The following CEP85 variants were observed in gnomAD, a reference collection of about 807,000 sequenced individuals.
CEP85 encodes the protein centrosomal protein 85, also known as centrosomal protein of 85 kDa.
Under a neutral mutation model 93.7 loss-of-function variants are expected in CEP85, and 58 were observed. The ratio of observed to expected loss-of-function variants is 0.62; its 90% CI spans 0.50 to 0.77. CEP85 has a LOEUF of 0.77. Ranked by LOEUF, CEP85 falls within the 30% of genes least tolerant of loss-of-function variation. The pLI is 0.00. For synonymous variants in CEP85, 314 were observed against 338.6 expected, an observed-to-expected ratio of 0.93 and a Z score of 0.80; for missense variants, 868 against 922.0, an observed-to-expected ratio of 0.94 and a Z score of 0.76.
chr1:26,274,868 G>GAGTCGTCACTATAT lies in CEP85; in HGVS notation c.1795-91_1795-78dup. The GAGTCGTCACTATAT allele has an allele frequency of 4.6e-6, 4 of 873,134 alleles. No homozygotes were observed. The South Asian group carries it at 4.9e-5, about 11-fold the overall frequency. The allele number at this position is 873,134 out of a possible 1,614,324, so 54.1% of individuals were successfully genotyped here. On this transcript the variant is annotated intron_variant, in intron 11 of 13. Transcript: ENST00000451429. ...TTTCTTATGAGGGTGTAGGTAGGGTGAGTCGTCACTATATAGTCCAAGCCA... is the reference window on the plus strand; with the variant it reads ...TTTCTTATGAGGGTGTAGGTAGGGTGAGTCGTCACTATATAGTCGTCACTATATAGTCCAAGCCA...
Position 26,257,619 on chromosome 1 carries a change from A to G in CEP85, c.926A>G (p.His309Arg), listed in dbSNP as rs1329341694. ...QMQLQNGAIC[H>R]HPAAFGPSLP... ...CAGCTTCAGAATGGAGCCATCTGCC[A>G]CCATCCTGCTGCTTTTGGTCCTTCA... The change falls in exon 5 of 14, where the codon CAC becomes CGC. Residue 309 changes from histidine to arginine, a missense_variant. Coordinates refer to ENST00000451429, the MANE Select transcript of CEP85 (RefSeq NM_001319944.2). 1.2e-6 allele frequency: 2 copies of G among 1,614,182 alleles called. No homozygotes were observed. The highest frequency in any genetic ancestry group is 3.3e-5 in the Admixed American group (2 of 60,016).
chr1:26,253,590 C>T (rs569492948), intron 3 of CEP85, among the ~76,000 whole-genome samples: 56 of 151,740 alleles, frequency 3.7e-4, no homozygotes, highest in African/African-American at 1.2e-3. Flanking sequence ...AGGGTTTCAC[C>T]GTGTTAGCCA....
intron 4 of CEP85, among the ~76,000 whole-genome samples, chr1:26,256,389 G>C (rs548382805): frequency 3.3e-5 from 5 of 152,038 alleles, no homozygotes; most frequent in African/African-American, 1.2e-4. Context: ...AAATTAGCCA[G>C]GTGTGGTGGC....
At chr1:26,250,135 T>C (rs2089582664) in intron 3 of CEP85, among the ~76,000 whole-genome samples, 1 of 151,474 alleles carries the variant, frequency 6.6e-6, no homozygotes, top group Non-Finnish European at 1.5e-5. Context: ...CAAAATATTC[T>C]AAACCACAGA....
At chr1:26,270,691 C>A (rs1368681688) in intron 9 of CEP85, among the ~76,000 whole-genome samples, 10 of 152,288 alleles carry the variant, frequency 6.6e-5, no homozygotes, top group Admixed American at 5.9e-4. Context: ...TCCAAACTTT[C>A]TACAATGTAC....
intron 1 of CEP85, among the ~76,000 whole-genome samples, chr1:26,235,273 A>G (rs1217618356): frequency 2.6e-5 from 4 of 152,202 alleles, no homozygotes; most frequent in African/African-American, 9.7e-5. Context: ...TGATACAAGG[A>G]CGATGAAGCT....
At chr1:26,241,437 G>T (rs2089424126) in intron 2 of CEP85, among the ~76,000 whole-genome samples, 1 of 151,710 alleles carries the variant, frequency 6.6e-6, no homozygotes, top group Admixed American at 6.6e-5. Flanking sequence ...ATAGAGACGG[G>T]GTTTCACCAT....
At chr1:26,253,492 C>T (rs1237672695) in intron 3 of CEP85, among the ~76,000 whole-genome samples, 4 of 150,750 alleles carry the variant, frequency 2.7e-5, no homozygotes, top group Admixed American at 2.0e-4. Context: ...TGGGTTCAAG[C>T]GATCCTCCTG....
intron 9 of CEP85, among the ~76,000 whole-genome samples, chr1:26,270,119 G>C (rs796702922): frequency 2.0e-5 from 3 of 152,258 alleles, no homozygotes; most frequent in African/African-American, 7.2e-5. Flanking sequence ...TGGATGCAGT[G>C]GGGGCTTATC....
chr1:26,264,685 C>A lies in CEP85; in HGVS notation c.1342-3798C>A, dbSNP rs114714727. Among the ~76,000 whole-genome samples the A allele has an allele frequency of 6.4e-3, 971 of 152,310 alleles. 11 individuals are homozygous for A. Among genetic ancestry groups the A allele is most frequent in the African/African-American group, 0.021 (857 of 41,560 alleles). The stretch of plus-strand genomic sequence containing the variant: ...CAATCTCTGGATGTCTTCTCTCACT[C>A]TCTCTAGGGAAGAATCTTCAACCTG... On this transcript the variant is annotated intron_variant, in intron 7 of 13. Transcript: ENST00000451429.
Position 26,276,599 on chromosome 1 carries a change from C to T in CEP85, c.1967C>T (p.Ala656Val), listed in dbSNP as rs201801471. ...NLTLQEHLRQAQPGSPPSPDT... is the reference protein window; with the variant it reads ...NLTLQEHLRQVQPGSPPSPDT... ...ACACTCCAGGAACACCTGCGCCAGG[C>T]CCAACCAGGGTCTCCACCTTCACCA... Residue 656 changes from alanine (A) to valine (V), a missense_variant, in exon 13 of 14, where the codon GCC becomes GTC. By Grantham distance (64) the Ala-to-Val change is moderately conservative. Transcript: ENST00000451429. 116 of 1,614,080 alleles carry T rather than the reference C, an allele frequency of 7.2e-5. No individual in the cohort carries two copies. Among genetic ancestry groups the T allele is most frequent in the Middle Eastern group, 4.9e-4 (3 of 6,084 alleles).
chr1:26,251,638 T>G (rs1319161529), intron 3 of CEP85, among the ~76,000 whole-genome samples: 1 of 152,156 alleles, frequency 6.6e-6, no homozygotes, highest in African/African-American at 2.4e-5. Context: ...CATGACCCAG[T>G]CACCTCTTAG....
intron 3 of CEP85, among the ~76,000 whole-genome samples, chr1:26,248,360 A>C (rs2089543441): frequency 6.6e-6 from 1 of 152,190 alleles, no homozygotes; most frequent in Non-Finnish European, 1.5e-5. Flanking sequence ...TAATTCAGTT[A>C]CATTGCTACA....
intron 2 of CEP85, among the ~76,000 whole-genome samples, chr1:26,242,966 T>A (rs1169873023): frequency 6.6e-6 from 1 of 152,142 alleles, no homozygotes; most frequent in Non-Finnish European, 1.5e-5. Flanking sequence ...CAAATAAATC[T>A]CATCAGTCTT....
chr1:26,241,076 G>A (rs1335888671), intron 2 of CEP85, among the ~76,000 whole-genome samples: 3 of 152,006 alleles, frequency 2.0e-5, no homozygotes, highest in South Asian at 4.1e-4. Context: ...AAGAGGGCAC[G>A]TTTAATTCAA....
intron 3 of CEP85, among the ~76,000 whole-genome samples, chr1:26,252,832 C>CT (rs1036675583): frequency 8.5e-5 from 13 of 152,068 alleles, no homozygotes; most frequent in African/African-American, 2.9e-4. Flanking sequence ...GCTTGCACGT[C>CT]TTTTTTTAAA....
intron 2 of CEP85, among the ~76,000 whole-genome samples, chr1:26,241,398 A>G (rs1321975280): frequency 6.6e-6 from 1 of 151,958 alleles, no homozygotes; most frequent in Admixed American, 6.6e-5. Flanking sequence ...GCCCGCCACC[A>G]TGCCCAGCTA....
At chr1:26,267,635 G>A (rs2089912218) in intron 7 of CEP85, among the ~76,000 whole-genome samples, 1 of 152,228 alleles carries the variant, frequency 6.6e-6, no homozygotes, top group African/African-American at 2.4e-5. Flanking sequence ...CATCCTGAGA[G>A]CAGAGCTTCC....
At chr1:26,250,154 A>T (rs2124572675) in intron 3 of CEP85, among the ~76,000 whole-genome samples, 1 of 148,240 alleles carries the variant, frequency 6.7e-6, no homozygotes, top group African/African-American at 2.5e-5. Context: ...GACCAGACTT[A>T]CGGTGTAACT....
Sources: allele counts gnomAD v4.1 joint callset (sites outside exome capture counted in the v4.1 genomes callset), GRCh38; gene constraint gnomAD v4.1.1; transcripts MANE v1.5; gene names NCBI Gene and HGNC (gene_info 2026-07-23, HGNC 2026-07-21).